JAKMIP1: variants seen among roughly 807,000 people sequenced by gnomAD.
The protein encoded by JAKMIP1 is janus kinase and microtubule-interacting protein 1.
JAKMIP1 carries 33 observed loss-of-function variants against 113.0 expected under a neutral mutation model. The ratio of observed to expected loss-of-function variants is 0.29; its 90% CI spans 0.22 to 0.39. JAKMIP1 has a LOEUF of 0.39. JAKMIP1 is among the 10% of genes least tolerant of loss of function. JAKMIP1 has a pLI of 1.00. For missense variants in JAKMIP1, 813 were observed against 1,080.5 expected, an observed-to-expected ratio of 0.75 and a Z score of 3.47; for synonymous variants, 480 against 459.9, an observed-to-expected ratio of 1.04 and a Z score of -0.56.
chr4:6,132,089 A>T (rs910895384), intron 1 of JAKMIP1, among the ~76,000 whole-genome samples: 1 of 152,238 alleles, frequency 6.6e-6, no homozygotes, highest in Non-Finnish European at 1.5e-5. Context: ...TGACTAGAAC[A>T]GTTTGTTTGA....
At chr4:6,119,988 T>G (rs1414665488) in intron 1 of JAKMIP1, among the ~76,000 whole-genome samples, 2 of 152,102 alleles carry the variant, frequency 1.3e-5, no homozygotes, top group Non-Finnish European at 2.9e-5. Context: ...ACAACTCAAG[T>G]CCAAATAATA....
At chr4:6,090,641 C>T (rs574686099) in intron 3 of JAKMIP1, among the ~76,000 whole-genome samples, 42 of 152,144 alleles carry the variant, frequency 2.8e-4, no homozygotes, top group African/African-American at 9.4e-4. Context: ...AGAGTGTCAC[C>T]GCCTCATGTT....
chr4:6,089,393 T>C lies in JAKMIP1; in HGVS notation c.625-3764A>G, dbSNP rs1721723494. The stretch of plus-strand genomic sequence containing the variant: ...CGACAAACTTGATGTTGGCTATCAC[T>C]CCTCTCTTAATGCTAGCGTGAGCTA... On this transcript the variant is annotated intron_variant, in intron 3 of 20. Transcript: ENST00000409021. The surrounding 1 kb of genome is among the most constrained non-coding windows in gnomAD (Gnocchi z 5.3). 6.6e-6 allele frequency among the ~76,000 whole-genome samples: 1 copy of C among 152,232 alleles called. No individual in the cohort carries two copies. The highest frequency in any genetic ancestry group is 6.5e-5 in the Admixed American group (1 of 15,284).
chr4:6,032,097 TTGGGCTCTGGGTGAGTG>T (rs1489823395), intron 19 of JAKMIP1, among the ~76,000 whole-genome samples: 1 of 152,070 alleles, frequency 6.6e-6, no homozygotes, highest in African/African-American at 2.4e-5. Context: ...GTAGCAGCTG[TTGGGCTCTGGGTGAGTG>T]ACATGATCTC....
At chr4:6,198,472 G>A (rs1458605901) in intron 1 of JAKMIP1, among the ~76,000 whole-genome samples, 4 of 152,156 alleles carry the variant, frequency 2.6e-5, no homozygotes, top group East Asian at 1.9e-4. Context: ...TCGTGGGGGC[G>A]GTGGGAGTCA....
chr4:6,028,580 C>A (rs1057045312), intron 20 of JAKMIP1, among the ~76,000 whole-genome samples: 1 of 152,228 alleles, frequency 6.6e-6, no homozygotes, highest in Non-Finnish European at 1.5e-5. Flanking sequence ...CATTTTTGGA[C>A]AGCCCTGGAA....
chr4:6,027,157 T>G lies in JAKMIP1; in HGVS notation c.2446-879A>C, dbSNP rs113299219. ...AAAAGTAGAATTTTTTTCTTACCCT[T>G]CTCAGGACTTGCTTTGTTCAAAAGG... On this transcript the variant is annotated intron_variant, in intron 20 of 20. Coordinates refer to ENST00000409021, the MANE Select transcript of JAKMIP1 (RefSeq NM_001099433.2). 7.4e-3 allele frequency among the ~76,000 whole-genome samples: 1,127 copies of G among 152,308 alleles called. 23 individuals are homozygous for G. The highest frequency in any genetic ancestry group is 0.026 in the African/African-American group (1,065 of 41,566).
intron 9 of JAKMIP1, among the ~76,000 whole-genome samples, chr4:6,063,475 T>C (rs1032499282): frequency 6.6e-6 from 1 of 152,242 alleles, no homozygotes; most frequent in Non-Finnish European, 1.5e-5. Context: ...GCTGATGGAC[T>C]GTTGTGTGCC....
rs111161913 is a variant in JAKMIP1 at position 6,126,669 on chromosome 4, C to A, written c.-147-13672G>T. 4.9e-3 allele frequency among the ~76,000 whole-genome samples: 737 copies of A among 148,948 alleles called. 6 individuals are homozygous for A. Among genetic ancestry groups the A allele is most frequent in the African/African-American group, 0.015 (594 of 40,432 alleles). ...CAGAAACACACCACACATGCCCCCC[C>A]CACACACACCCATACATACACCACC... On this transcript the variant is annotated intron_variant, in intron 1 of 20. Transcript: ENST00000409021.
Position 6,064,976 on chromosome 4 carries a change from A to G in JAKMIP1, c.1335T>C (p.Asp445=), listed in dbSNP as rs1717854140. 1.2e-6 allele frequency: 2 copies of G among 1,614,146 alleles called. No homozygotes were observed. Among genetic ancestry groups the G allele is most frequent in the Non-Finnish European group, 1.7e-6 (2 of 1,180,038 alleles). ...ACGTTTCTGAGTCCACAGACTCCTC[A>G]TCAAATCCAAAAAATGTCTCCACAA... ...KHVVETFFGF[D]EESVDSETLS... is the part of the protein sequence containing the mutation. Residue 445 remains aspartate, a synonymous_variant, in exon 9 of 21, where the codon GAT becomes GAC. Transcript: ENST00000409021. The surrounding 1 kb of genome is among the most constrained non-coding windows in gnomAD (Gnocchi z 4.3).
At chr4:6,182,874 G>C (rs991445272) in intron 1 of JAKMIP1, among the ~76,000 whole-genome samples, 1 of 152,166 alleles carries the variant, frequency 6.6e-6, no homozygotes, top group Non-Finnish European at 1.5e-5. Flanking sequence ...CAGCCATCCC[G>C]AGGAAGAAGG....
intron 1 of JAKMIP1, among the ~76,000 whole-genome samples, chr4:6,118,907 T>G (rs1254062325): frequency 6.6e-6 from 1 of 152,184 alleles, no homozygotes; most frequent in African/African-American, 2.4e-5. Flanking sequence ...GTTAAAGATC[T>G]CAAGATGAAA....
chr4:6,055,473 G>A (rs1215256828), intron 12 of JAKMIP1, among the ~76,000 whole-genome samples: 3 of 152,214 alleles, frequency 2.0e-5, no homozygotes, highest in Admixed American at 1.3e-4. Context: ...ACCAGAAAGA[G>A]AAGAACAGAG....
At chr4:6,148,931 T>C (rs546487618) in intron 1 of JAKMIP1, among the ~76,000 whole-genome samples, 1 of 152,256 alleles carries the variant, frequency 6.6e-6, no homozygotes, top group East Asian at 1.9e-4. Context: ...CTGGGTGTGG[T>C]GAGACGGGGA....
At chr4:6,099,085 T>G (rs987764669) in intron 3 of JAKMIP1, among the ~76,000 whole-genome samples, 1 of 152,270 alleles carries the variant, frequency 6.6e-6, no homozygotes, top group African/African-American at 2.4e-5. Context: ...CTACATTTAT[T>G]GCTCACAGAG....
In JAKMIP1 at chr4:6,084,946, C is replaced by G. The variant is rs973744592; in HGVS notation, c.854G>C (p.Arg285Pro). 1 of 1,487,338 alleles carries G rather than the reference C, an allele frequency of 6.7e-7. No homozygotes were observed. Among genetic ancestry groups the G allele is most frequent in the Non-Finnish European group, 9.2e-7 (1 of 1,083,760 alleles). The allele number at this position is 1,487,338 out of a possible 1,614,324, so 92.1% of individuals were successfully genotyped here. A position where few individuals can be genotyped will look rare whatever the true frequency, so the allele number is the denominator to read the frequency against. Residue 285 changes from arginine (R) to proline (P), a missense_variant, in exon 5 of 21, where the codon CGA becomes CCA. Transcript: ENST00000409021. ...TTTTAGTTGAAATCGCCTCACATCT[C>G]GCTCGTCCATATGTTGATCCTAAAA... is the stretch of plus-strand genomic sequence containing the variant. ...MGVQDQHMDERDVRRFQLKIA... is the reference protein window; with the variant it reads ...MGVQDQHMDEPDVRRFQLKIA...
At chr4:6,078,304 G>T (rs1388997157) in intron 8 of JAKMIP1, among the ~76,000 whole-genome samples, 5 of 143,902 alleles carry the variant, frequency 3.5e-5, no homozygotes. Flanking sequence ...AACAGAGTGA[G>T]ACTCTGTCTA....
In JAKMIP1 at chr4:6,157,316, T is replaced by C. The variant is rs564648414; in HGVS notation, c.-148+42937A>G. On this transcript the variant is annotated intron_variant, in intron 1 of 20. Coordinates refer to ENST00000409021, the MANE Select transcript of JAKMIP1 (RefSeq NM_001099433.2). The surrounding 1 kb of genome is among the most constrained non-coding windows in gnomAD (Gnocchi z 4.7). ...GAGTGCACCTGGGCAGGTTACTCCCTCTGCAAAAAGGCGCACGGGATGGGA... is the reference window on the plus strand; with the variant it reads ...GAGTGCACCTGGGCAGGTTACTCCCCCTGCAAAAAGGCGCACGGGATGGGA... Among the ~76,000 whole-genome samples the C allele has an allele frequency of 9.2e-5, 14 of 152,246 alleles. No individual in the cohort carries two copies. Among genetic ancestry groups the C allele is most frequent in the African/African-American group, 3.4e-4 (14 of 41,538 alleles).
rs765078893 is a variant in JAKMIP1, at chr4:6,105,520, C to G, written c.577G>C (p.Glu193Gln). The G allele has an allele frequency of 3.9e-5, 62 of 1,609,080 alleles. No homozygotes were observed. The highest frequency in any genetic ancestry group is 5.3e-5 in the Non-Finnish European group (62 of 1,178,470). ...LRAAYQAHQD[E>Q]VHRIKRECER... ...CACTCGCGCTTGATGCGGTGCACCT[C>G]GTCTTGGTGCGCCTGGTAGGCGGCA... Residue 193 changes from glutamate (E) to glutamine (Q), a missense_variant, in exon 3 of 21, where the codon GAG becomes CAG. Transcript: ENST00000409021.
Sources: gnomAD v4.1 joint callset for allele counts (sites outside exome capture counted in the v4.1 genomes callset) on GRCh38, gnomAD v4.1.1 for gene constraint, Gnocchi (gnomAD v3.1) non-coding constraint, MANE v1.5 for transcripts, NCBI Gene and HGNC (gene_info 2026-07-23, HGNC 2026-07-21) for gene names.